The following ARHGAP10 variants were observed in gnomAD, a reference collection of about 807,000 sequenced individuals.
ARHGAP10 encodes Rho GTPase activating protein 10.
ARHGAP10 carries 87 observed loss-of-function variants against 108.6 expected under a neutral mutation model. The ratio of observed to expected loss-of-function variants is 0.80; its 90% CI spans 0.67 to 0.96. The LOEUF (loss-of-function observed/expected upper bound fraction) is 0.96. Among genes scored for constraint, ARHGAP10 ranks in the 40% least tolerant of loss-of-function variants. ARHGAP10 has a pLI of 0.00. For missense variants in ARHGAP10, 939 were observed against 954.5 expected, an observed-to-expected ratio of 0.98 and a Z score of 0.21; for synonymous variants, 347 against 341.1, an observed-to-expected ratio of 1.02 and a Z score of -0.19.
At chr4:147,926,260 T>TG (rs964484372) in intron 13 of ARHGAP10, among the ~76,000 whole-genome samples, 2 of 152,062 alleles carry the variant, frequency 1.3e-5, no homozygotes, top group African/African-American at 4.8e-5. Flanking sequence ...GGGAATAGAA[T>TG]GGGGGTAAGA....
intron 1 of ARHGAP10, among the ~76,000 whole-genome samples, chr4:147,766,714 TATATATA>T (rs1729833165): frequency 6.9e-6 from 1 of 145,100 alleles, no homozygotes; most frequent in East Asian, 2.0e-4. Context: ...TCTCAAAAAA[TATATATA>T]ATATAAATAT....
chr4:147,798,724 ACTCTCTCT>A (rs1178256407), intron 1 of ARHGAP10, among the ~76,000 whole-genome samples: 51 of 85,948 alleles, frequency 5.9e-4, no homozygotes, highest in African/African-American at 1.5e-3. Context: ...AGTTTGAGAC[ACTCTCTCT>A]CTCTCTCTCT....
chr4:147,986,463 G>A (rs995493401), intron 18 of ARHGAP10, among the ~76,000 whole-genome samples: 1 of 152,102 alleles, frequency 6.6e-6, no homozygotes, highest in Non-Finnish European at 1.5e-5. Context: ...TTTGCTTTTC[G>A]AGAAAATCAA....
intron 12 of ARHGAP10, among the ~76,000 whole-genome samples, chr4:147,910,432 A>G (rs1376148951): frequency 1.3e-5 from 2 of 152,102 alleles, no homozygotes; most frequent in Non-Finnish European, 2.9e-5. Flanking sequence ...CAAGTATGCA[A>G]CCTTCAACTT....
intron 3 of ARHGAP10, among the ~76,000 whole-genome samples, chr4:147,838,664 C>T (rs1733272278): frequency 6.6e-6 from 1 of 152,158 alleles, no homozygotes; most frequent in Non-Finnish European, 1.5e-5. Flanking sequence ...TCCTGGGTAG[C>T]TGAGACTACA....
In ARHGAP10 at chr4:147,910,593, A is replaced by G. The variant is rs965467846; in HGVS notation, c.1162+816A>G. 3.7e-4 allele frequency among the ~76,000 whole-genome samples: 57 copies of G among 152,306 alleles called. 1 individual carries two copies. The highest frequency in any genetic ancestry group is 1.7e-3 in the Admixed American group (26 of 15,296). On this transcript the variant is annotated intron_variant, in intron 12 of 22. Coordinates refer to ENST00000336498, the MANE Select transcript of ARHGAP10 (RefSeq NM_024605.4). Reference sequence around the variant, plus strand: ...GACAATAGCAACAACAATTAAATTTATTCAAATATTCAAGGACAACGATCT... The same window carrying G: ...GACAATAGCAACAACAATTAAATTTGTTCAAATATTCAAGGACAACGATCT...
chr4:147,784,390 TATAA>T (rs1426893085), intron 1 of ARHGAP10, among the ~76,000 whole-genome samples: 1 of 126,914 alleles, frequency 7.9e-6, no homozygotes, highest in Non-Finnish European at 1.6e-5. Flanking sequence ...ATATATAATT[TATAA>T]ATTATATAAT....
rs145576086 is a variant in ARHGAP10, at chr4:147,843,999, G to A, written c.313-3152G>A. On this transcript the variant is annotated intron_variant, in intron 3 of 22. Transcript: ENST00000336498. ...CTACTTGCTGATGAGGACAAAATTG[G>A]TATCTCTGACCTAGGTGTCTCTTCT... is the stretch of plus-strand genomic sequence containing the variant. Among the ~76,000 whole-genome samples, 996 of 152,160 alleles carry A rather than the reference G, an allele frequency of 6.5e-3. 17 individuals are homozygous for A. Among genetic ancestry groups the A allele is most frequent in the African/African-American group, 0.022 (928 of 41,512 alleles).
intron 1 of ARHGAP10, among the ~76,000 whole-genome samples, chr4:147,764,385 G>A (rs183196837): frequency 6.6e-6 from 1 of 151,938 alleles, no homozygotes; most frequent in Admixed American, 6.6e-5. Flanking sequence ...CTGAAGACCA[G>A]GCACACCTAA....
At chr4:147,812,601 T>G (rs11940379) in intron 1 of ARHGAP10, among the ~76,000 whole-genome samples, 18,966 of 152,216 alleles carry the variant, frequency 0.12, 1,620 homozygotes, top group African/African-American at 0.24. Context: ...CACCTCTGCT[T>G]CTTTCTTCTC....
intron 1 of ARHGAP10, among the ~76,000 whole-genome samples, chr4:147,766,194 G>A (rs1370864299): frequency 6.6e-6 from 1 of 152,050 alleles, no homozygotes; most frequent in East Asian, 1.9e-4. Context: ...GGAGCCTGAG[G>A]CAGGAGAATC....
At chr4:147,838,242 CT>C (rs1733254017) in intron 3 of ARHGAP10, among the ~76,000 whole-genome samples, 1 of 152,142 alleles carries the variant, frequency 6.6e-6, no homozygotes, top group East Asian at 1.9e-4. Flanking sequence ...CTTTCTGATG[CT>C]TTCACTGGAA....
At chr4:147,822,012 G>C (rs1050012121) in intron 1 of ARHGAP10, among the ~76,000 whole-genome samples, 2 of 152,168 alleles carry the variant, frequency 1.3e-5, no homozygotes, top group African/African-American at 4.8e-5. Flanking sequence ...TATCTCTTGA[G>C]AATTTTTGAA....
intron 15 of ARHGAP10, among the ~76,000 whole-genome samples, chr4:147,948,603 G>A (rs1738475947): frequency 6.6e-6 from 1 of 152,092 alleles, no homozygotes; most frequent in South Asian, 2.1e-4. Context: ...GCTGTGTCCT[G>A]TAGATAAAGA....
At chr4:148,028,657 A>C (rs539409959) in intron 19 of ARHGAP10, among the ~76,000 whole-genome samples, 8 of 152,320 alleles carry the variant, frequency 5.3e-5, no homozygotes, top group African/African-American at 1.7e-4. Flanking sequence ...GAGTTGTAAC[A>C]TTTTGAAAAT....
chr4:148,035,820 T>C (rs1728353351), intron 19 of ARHGAP10, among the ~76,000 whole-genome samples: 1 of 152,200 alleles, frequency 6.6e-6, no homozygotes, highest in African/African-American at 2.4e-5. Context: ...TTCCCCCTAA[T>C]GTAAGACTTA....
At chr4:147,791,447 T>C (rs1377473065) in intron 1 of ARHGAP10, among the ~76,000 whole-genome samples, 1 of 152,016 alleles carries the variant, frequency 6.6e-6, no homozygotes, top group Non-Finnish European at 1.5e-5. Context: ...AGCCACATTA[T>C]TTTTTCCTTT....
intron 18 of ARHGAP10, among the ~76,000 whole-genome samples, chr4:147,981,896 C>T (rs1050380572): frequency 7.9e-5 from 12 of 152,012 alleles, no homozygotes; most frequent in African/African-American, 2.7e-4. Flanking sequence ...TGCTCTTTTT[C>T]GATTCCATTT....
intron 18 of ARHGAP10, among the ~76,000 whole-genome samples, chr4:147,978,304 TC>T (rs1309181438): frequency 6.6e-6 from 1 of 152,198 alleles, no homozygotes; most frequent in Non-Finnish European, 1.5e-5. Context: ...GTATAAGCAT[TC>T]CCTTTTTTTC....
Sources: gnomAD v4.1 joint callset for allele counts (sites outside exome capture counted in the v4.1 genomes callset) on GRCh38, gnomAD v4.1.1 for gene constraint, MANE v1.5 for transcripts, NCBI Gene and HGNC (gene_info 2026-07-23, HGNC 2026-07-21) for gene names.